The following KCNMA1 variants were observed in gnomAD, a reference collection of about 807,000 sequenced individuals.
The protein encoded by KCNMA1 is Calcium-activated potassium channel subunit alpha-1.
KCNMA1 carries 29 observed loss-of-function variants against 140.0 expected under a neutral mutation model. The ratio of observed to expected loss-of-function variants is 0.21; its 90% confidence interval spans 0.15 to 0.28. The LOEUF is 0.28. Ranked by LOEUF, KCNMA1 falls within the 10% of genes least tolerant of loss-of-function variation. The pLI is 1.00. For synonymous variants in KCNMA1, 612 were observed against 611.9 expected, an observed-to-expected ratio of 1.00 and a Z score of 0.00; for missense variants, 880 against 1,602.2, an observed-to-expected ratio of 0.55 and a Z score of 7.70.
At chr10:77,548,521 AGG>A (rs1286125393) in intron 1 of KCNMA1, among the ~76,000 whole-genome samples, 1 of 152,208 alleles carries the variant, frequency 6.6e-6, no homozygotes, top group Non-Finnish European at 1.5e-5. Context: ...GTGTGCACAG[AGG>A]CCCAGAGAAG....
At chr10:77,460,966 C>T (rs537641184) in intron 1 of KCNMA1, among the ~76,000 whole-genome samples, 5 of 152,154 alleles carry the variant, frequency 3.3e-5, no homozygotes, top group African/African-American at 7.2e-5. Context: ...ATTAGCTGGG[C>T]GTGGTGGCAT....
At chr10:76,992,806 T>C (rs2083168050) in intron 19 of KCNMA1, among the ~76,000 whole-genome samples, 1 of 152,206 alleles carries the variant, frequency 6.6e-6, no homozygotes, top group Non-Finnish European at 1.5e-5. Flanking sequence ...GCATGATACT[T>C]AGAAATGCCA....
intron 1 of KCNMA1, among the ~76,000 whole-genome samples, chr10:77,595,183 TA>T (rs1454476523): frequency 6.6e-6 from 1 of 151,838 alleles, no homozygotes; most frequent in Non-Finnish European, 1.5e-5. Flanking sequence ...CCATCTCTAC[TA>T]AAAAATCCAA....
intron 29 of KCNMA1, among the ~76,000 whole-genome samples, chr10:76,879,636 A>G (rs960974286): frequency 6.6e-6 from 1 of 152,006 alleles, no homozygotes; most frequent in Non-Finnish European, 1.5e-5. Flanking sequence ...AGCACATCTG[A>G]ATTATTAATG....
At chr10:77,348,438 C>A (rs1245578939) in intron 2 of KCNMA1, among the ~76,000 whole-genome samples, 2 of 152,148 alleles carry the variant, frequency 1.3e-5, no homozygotes, top group Non-Finnish European at 2.9e-5. Flanking sequence ...CAGACCTGGA[C>A]ACCCGCAAGC....
intron 15 of KCNMA1, among the ~76,000 whole-genome samples, chr10:77,035,015 T>A (rs894221130): frequency 4.6e-5 from 7 of 152,074 alleles, no homozygotes; most frequent in African/African-American, 1.7e-4. Flanking sequence ...CCCTCTGCCC[T>A]CCCTGGGGGT....
intron 16 of KCNMA1, among the ~76,000 whole-genome samples, chr10:77,021,665 C>T (rs186086841): frequency 2.0e-5 from 3 of 152,310 alleles, no homozygotes; most frequent in South Asian, 2.1e-4. Context: ...TGTAAGGAAT[C>T]GAAAGCATCT....
At chr10:77,357,065 G>A (rs962662754) in intron 2 of KCNMA1, among the ~76,000 whole-genome samples, 3 of 152,204 alleles carry the variant, frequency 2.0e-5, no homozygotes, top group East Asian at 1.9e-4. Flanking sequence ...AACCAACACA[G>A]AAGAAAGCAG....
chr10:77,042,262 T>G (rs546327155), intron 14 of KCNMA1, among the ~76,000 whole-genome samples: 1 of 152,250 alleles, frequency 6.6e-6, no homozygotes, highest in Non-Finnish European at 1.5e-5. Flanking sequence ...GCCTGAACTT[T>G]TTAATTTCTC....
At chr10:77,146,349 C>T (rs1485686660) in intron 5 of KCNMA1, among the ~76,000 whole-genome samples, 1 of 152,096 alleles carries the variant, frequency 6.6e-6, no homozygotes, top group Non-Finnish European at 1.5e-5. Flanking sequence ...GCTCCTGATG[C>T]ACTGAGAGAC....
intron 1 of KCNMA1, among the ~76,000 whole-genome samples, chr10:77,627,679 A>T (rs1420242626): frequency 6.6e-6 from 1 of 152,212 alleles, no homozygotes; most frequent in Non-Finnish European, 1.5e-5. Flanking sequence ...TTAGAATTTG[A>T]AATCTACCAT....
chr10:77,550,526 T>C (rs2062547866), intron 1 of KCNMA1, among the ~76,000 whole-genome samples: 1 of 152,206 alleles, frequency 6.6e-6, no homozygotes, highest in Non-Finnish European at 1.5e-5. Context: ...AGTGTGCCTG[T>C]CTCAGCTTTG....
intron 25 of KCNMA1, among the ~76,000 whole-genome samples, chr10:76,893,909 A>G (rs1398380192): frequency 6.6e-6 from 1 of 152,182 alleles, no homozygotes. Flanking sequence ...ATGGAATACT[A>G]CCTTAATTTC....
intron 1 of KCNMA1, among the ~76,000 whole-genome samples, chr10:77,596,856 A>AC (rs2081090608): frequency 6.6e-6 from 1 of 152,162 alleles, no homozygotes; most frequent in African/African-American, 2.4e-5. Context: ...AAGGCCACAC[A>AC]CCTTCCCACG....
intron 1 of KCNMA1, among the ~76,000 whole-genome samples, chr10:77,496,022 G>T (rs963097224): frequency 6.6e-6 from 1 of 152,192 alleles, no homozygotes; most frequent in African/African-American, 2.4e-5. Context: ...TAAAGACACA[G>T]AGCCCTCCTT....
rs1286692563 is a variant in KCNMA1 at position 77,592,204 on chromosome 10, C to A, written c.378+45061G>T. On this transcript the variant is annotated intron_variant, in intron 1 of 27. Coordinates refer to ENST00000286628, the MANE Select transcript of KCNMA1 (RefSeq NM_001161352.2). Reference sequence around the variant, plus strand: ...TAACCATTAGAAAACATCAGACACACCAAAATATACAGACCGCCTATGAAA... The same window carrying A: ...TAACCATTAGAAAACATCAGACACAACAAAATATACAGACCGCCTATGAAA... Among the ~76,000 whole-genome samples the A allele has an allele frequency of 2.0e-5, 3 of 152,076 alleles. No individual in the cohort carries two copies. The East Asian group carries it at 5.8e-4, about 29-fold the overall frequency.
intron 2 of KCNMA1, among the ~76,000 whole-genome samples, chr10:77,287,345 G>A (rs1214409961): frequency 1.3e-5 from 2 of 152,206 alleles, no homozygotes; most frequent in African/African-American, 4.8e-5. Context: ...TGTTAAGGGA[G>A]CCTGCATCAG....
intron 5 of KCNMA1, among the ~76,000 whole-genome samples, chr10:77,156,220 T>C (rs1284292699): frequency 9.2e-6 from 1 of 108,932 alleles, no homozygotes; most frequent in East Asian, 2.3e-4. Context: ...AGAGCGAGAC[T>C]CCATCTTAAA....
At chr10:77,363,879 C>T (rs370365873) in intron 2 of KCNMA1, among the ~76,000 whole-genome samples, 76 of 152,326 alleles carry the variant, frequency 5.0e-4, no homozygotes, top group African/African-American at 1.8e-3. Context: ...CCCTTCTCTC[C>T]TATAGTTCCC....
Sources: allele counts gnomAD v4.1 joint callset (sites outside exome capture counted in the v4.1 genomes callset), GRCh38; gene constraint gnomAD v4.1.1; transcripts MANE v1.5; gene names NCBI Gene and HGNC (gene_info 2026-07-23, HGNC 2026-07-21).